The following ATP8B1 variants were observed in gnomAD, a reference collection of about 807,000 sequenced individuals.
ATP8B1 encodes phospholipid-transporting ATPase IC.
In ATP8B1, 80 loss-of-function variants were observed where a neutral mutation model predicts 149.9. The observed-to-expected ratio is 0.53, with a 90% CI of 0.45 to 0.64. The LOEUF (loss-of-function observed/expected upper bound fraction) is 0.64. Among genes scored for constraint, ATP8B1 ranks in the 30% least tolerant of loss-of-function variants. ATP8B1 has a pLI of 0.00. For synonymous variants in ATP8B1, 536 were observed against 562.8 expected, an observed-to-expected ratio of 0.95 and a Z score of 0.67; for missense variants, 1,247 against 1,552.6, an observed-to-expected ratio of 0.80 and a Z score of 3.31.
rs2080385373 is a variant in ATP8B1 at position 57,784,234 on chromosome 18, G to T, written c.-26+18764C>A. On this transcript the variant is annotated intron_variant, in intron 1 of 27. Transcript: ENST00000648908. The surrounding 1 kb of genome is among the most constrained non-coding windows in gnomAD (Gnocchi z 4.4). ...ATGGAATTTGCAGGGGGAAGCCGGG[G>T]TCAGGGCGGGCTGGGCATAGAGAGC... Among the ~76,000 whole-genome samples the T allele has an allele frequency of 2.0e-5, 3 of 152,212 alleles. No individual in the cohort carries two copies. The highest frequency in any genetic ancestry group is 4.4e-5 in the Non-Finnish European group (3 of 68,040).
At chr18:57,681,408 G>T (rs1277493308) in intron 15 of ATP8B1, among the ~76,000 whole-genome samples, 1 of 152,186 alleles carries the variant, frequency 6.6e-6, no homozygotes, top group Non-Finnish European at 1.5e-5. Flanking sequence ...GGTGAACCCA[G>T]TCATGCCATG....
chr18:57,654,697 T>G (rs1196227288), intron 23 of ATP8B1, among the ~76,000 whole-genome samples: 2 of 15,278 alleles, frequency 1.3e-4, no homozygotes, highest in Admixed American at 1.5e-3. Context: ...ATCCCCTCCT[T>G]TTTTTTTTTT....
intron 6 of ATP8B1, among the ~76,000 whole-genome samples, chr18:57,698,099 A>C (rs575596887): frequency 1.3e-5 from 2 of 152,282 alleles, no homozygotes; most frequent in African/African-American, 4.8e-5. Context: ...TAGGTCATGT[A>C]AGGAAGAGTT....
chr18:57,680,881 G>A (rs921089184), intron 15 of ATP8B1, among the ~76,000 whole-genome samples: 1 of 152,122 alleles, frequency 6.6e-6, no homozygotes, highest in Admixed American at 6.5e-5. Context: ...TCCAGGTGAA[G>A]TGAAGGCTTC....
intron 2 of ATP8B1, among the ~76,000 whole-genome samples, chr18:57,713,167 CTT>C (rs1414004646): frequency 4.4e-5 from 3 of 67,452 alleles, no homozygotes; most frequent in African/African-American, 1.9e-4. Flanking sequence ...CTCTTTCTTT[CTT>C]TCTTTCTTTC....
intron 1 of ATP8B1, among the ~76,000 whole-genome samples, chr18:57,743,983 A>G (rs184670436): frequency 5.3e-5 from 8 of 152,216 alleles, no homozygotes; most frequent in South Asian, 2.1e-4. Flanking sequence ...ACACTCAGCA[A>G]CAACACTCAG....
At chr18:57,782,847 C>T (rs1436421626) in intron 1 of ATP8B1, among the ~76,000 whole-genome samples, 2 of 112,980 alleles carry the variant, frequency 1.8e-5, no homozygotes, top group Non-Finnish European at 1.6e-5. Context: ...GAGTCTCACT[C>T]TTGTTGCCTA....
chr18:57,778,578 T>A (rs1320117226), intron 1 of ATP8B1, among the ~76,000 whole-genome samples: 2 of 152,042 alleles, frequency 1.3e-5, no homozygotes, highest in Non-Finnish European at 2.9e-5. Flanking sequence ...GCTCAGGGTC[T>A]CCTCCCAAGG....
intron 20 of ATP8B1, among the ~76,000 whole-genome samples, chr18:57,665,609 G>A (rs549209994): frequency 1.3e-5 from 2 of 151,790 alleles, no homozygotes; most frequent in African/African-American, 2.4e-5. Flanking sequence ...CAGGAGTGTA[G>A]TGGCACTATC....
At chr18:57,651,254 C>T (rs111831975) in intron 26 of ATP8B1, among the ~76,000 whole-genome samples, 28,149 of 152,018 alleles carry the variant, frequency 0.19, 2,832 homozygotes, top group Non-Finnish European at 0.24. Context: ...TACAGGTGTG[C>T]GCCACCACGC....
Position 57,766,242 on chromosome 18 carries a change from A to G in ATP8B1, c.-25-34410T>C, listed in dbSNP as rs567664081. 3.0e-3 allele frequency among the ~76,000 whole-genome samples: 463 copies of G among 151,940 alleles called. 3 individuals are homozygous for G. Among genetic ancestry groups the G allele is most frequent in the African/African-American group, 0.01 (430 of 41,468 alleles). On this transcript the variant is annotated intron_variant, in intron 1 of 27. Coordinates refer to ENST00000648908, the MANE Select transcript of ATP8B1 (RefSeq NM_001374385.1). Reference sequence around the variant, plus strand: ...GTATTTTTAGTAAAGACACGGTTTCACCATATTGGCCAGGCTGGTCTCGAA... The same window carrying G: ...GTATTTTTAGTAAAGACACGGTTTCGCCATATTGGCCAGGCTGGTCTCGAA...
chr18:57,687,384 AC>A (rs1406600023), intron 13 of ATP8B1, among the ~76,000 whole-genome samples: 1 of 152,080 alleles, frequency 6.6e-6, no homozygotes, highest in Non-Finnish European at 1.5e-5. Context: ...AATGTCCTTA[AC>A]CCATTTATGC....
chr18:57,749,536 A>T (rs1210378588), intron 1 of ATP8B1, among the ~76,000 whole-genome samples: 1 of 152,166 alleles, frequency 6.6e-6, no homozygotes, highest in Non-Finnish European at 1.5e-5. Context: ...GCTCTTATAT[A>T]TTCAACATGT....
chr18:57,655,535 A>C (rs1909942242), intron 22 of ATP8B1, 118 bp from the exon 23 acceptor site: 1 of 906,292 alleles, frequency 1.1e-6, no homozygotes, highest in South Asian at 1.4e-5. Flanking sequence ...ATGGAACAAT[A>C]ATACAGAAGC....
chr18:57,658,908 T>G (rs1044017987), intron 22 of ATP8B1, among the ~76,000 whole-genome samples: 1 of 152,174 alleles, frequency 6.6e-6, no homozygotes. Flanking sequence ...CTAATACTAC[T>G]TGTATAACTT....
At chr18:57,725,829 T>A (rs1468266984) in intron 2 of ATP8B1, among the ~76,000 whole-genome samples, 1 of 152,236 alleles carries the variant, frequency 6.6e-6, no homozygotes, top group Non-Finnish European at 1.5e-5. Context: ...CATATTTATA[T>A]GTAGATGAAT....
chr18:57,653,771 C>G (rs1909802821), intron 24 of ATP8B1, among the ~76,000 whole-genome samples: 2 of 150,616 alleles, frequency 1.3e-5, no homozygotes, highest in Admixed American at 1.3e-4. Context: ...AGTCATACTC[C>G]TGCATCAGCC....
chr18:57,745,054 T>C (rs1461496461), intron 1 of ATP8B1, among the ~76,000 whole-genome samples: 3 of 152,222 alleles, frequency 2.0e-5, no homozygotes, highest in Non-Finnish European at 4.4e-5. Context: ...ATAGACACCA[T>C]TTTATGCCTA....
At chr18:57,798,301 A>C (rs7244142) in intron 1 of ATP8B1, among the ~76,000 whole-genome samples, 48,072 of 151,866 alleles carry the variant, frequency 0.32, 8,501 homozygotes, top group East Asian at 0.55. Flanking sequence ...GTGGGTCAGA[A>C]ATGGTGGTTC....
Sources: gnomAD v4.1 joint callset for allele counts (sites outside exome capture counted in the v4.1 genomes callset) on GRCh38, gnomAD v4.1.1 for gene constraint, Gnocchi (gnomAD v3.1) non-coding constraint, MANE v1.5 for transcripts, NCBI Gene and HGNC (gene_info 2026-07-23, HGNC 2026-07-21) for gene names.